The following LRP1B variants were observed in gnomAD, a reference collection of about 807,000 sequenced individuals.
LRP1B encodes low-density lipoprotein receptor-related protein 1B.
In LRP1B, 217 loss-of-function variants were observed where a neutral mutation model predicts 556.6. The observed-to-expected ratio is 0.39, with a 90% confidence interval of 0.35 to 0.44. The LOEUF (loss-of-function observed/expected upper bound fraction) is 0.44, where lower values mean the gene tolerates loss of function less well. LRP1B is among the 20% of genes least tolerant of loss of function. The probability of loss-of-function intolerance (pLI) is 1.00; values close to 1 mark genes in which losing one functional copy is unlikely to be tolerated. For synonymous variants in LRP1B, 2,047 were observed against 1,865.8 expected, an observed-to-expected ratio of 1.10 and a Z score of -2.50; for missense variants, 5,053 against 5,620.8, an observed-to-expected ratio of 0.90 and a Z score of 3.23.
chr2:141,320,171 C>T (rs1198305244), intron 3 of LRP1B, among the ~76,000 whole-genome samples: 1 of 152,022 alleles, frequency 6.6e-6, no homozygotes, highest in East Asian at 1.9e-4. Context: ...CCTTTATTAT[C>T]CAAAGAAGTA....
chr2:141,616,833 C>T (rs2105330104), intron 2 of LRP1B, among the ~76,000 whole-genome samples: 1 of 152,224 alleles, frequency 6.6e-6, no homozygotes, highest in Admixed American at 6.5e-5. Context: ...GTTTTTCTGC[C>T]TTATTCAGTA....
chr2:140,937,145 A>G (rs895466216), intron 20 of LRP1B, among the ~76,000 whole-genome samples: 1 of 152,174 alleles, frequency 6.6e-6, no homozygotes, highest in African/African-American at 2.4e-5. Context: ...ATTTCATCAC[A>G]AAATGCCAAC....
At chr2:141,566,799 C>T (rs1686347667) in intron 2 of LRP1B, among the ~76,000 whole-genome samples, 1 of 151,972 alleles carries the variant, frequency 6.6e-6, no homozygotes, top group Non-Finnish European at 1.5e-5. Context: ...TTTGAGGCTG[C>T]AGTGAGGTAT....
chr2:141,232,646 G>T (rs1683515158), intron 5 of LRP1B, among the ~76,000 whole-genome samples: 1 of 152,148 alleles, frequency 6.6e-6, no homozygotes, highest in Non-Finnish European at 1.5e-5. Context: ...TCAGTTAATT[G>T]TTTTAGTGAA....
chr2:141,509,738 G>C (rs1449998447), intron 2 of LRP1B, among the ~76,000 whole-genome samples: 1 of 152,074 alleles, frequency 6.6e-6, no homozygotes, highest in Non-Finnish European at 1.5e-5. Context: ...TAAAGCAAAA[G>C]TGTACTGTAA....
chr2:141,455,693 T>C (rs1390909442), intron 3 of LRP1B, among the ~76,000 whole-genome samples: 1 of 152,168 alleles, frequency 6.6e-6, no homozygotes, highest in Non-Finnish European at 1.5e-5. Flanking sequence ...TTTTGTGGAA[T>C]AAATGAACAA....
At position 141,661,191 on chromosome 2, in the gene LRP1B, C is replaced by T. The variant is rs551183400; in HGVS notation, c.205+149088G>A. 1.5e-4 allele frequency among the ~76,000 whole-genome samples: 23 copies of T among 152,236 alleles called. No homozygotes were observed. The South Asian group carries it at 4.8e-3, about 32-fold the overall frequency. The stretch of plus-strand genomic sequence containing the variant: ...TCCAAAGGTCAGCAGCCTCAAAGAT[C>T]GAAGCTAGATAAACTCAAGAAGACG... On this transcript the variant is annotated intron_variant, in intron 2 of 90. Coordinates refer to ENST00000389484, the MANE Select transcript of LRP1B (RefSeq NM_018557.3).
At chr2:140,474,477 C>A (rs1687888912) in intron 60 of LRP1B, among the ~76,000 whole-genome samples, 1 of 151,784 alleles carries the variant, frequency 6.6e-6, no homozygotes, top group African/African-American at 2.4e-5. Flanking sequence ...CCCCTGATAG[C>A]AAAGGTGACA....
chr2:142,121,374 A>T (rs562476245), intron 1 of LRP1B, among the ~76,000 whole-genome samples: 1 of 152,302 alleles, frequency 6.6e-6, no homozygotes, highest in South Asian at 2.1e-4. Flanking sequence ...CCTCAATTTG[A>T]TCTGCATGAC....
At position 141,799,537 on chromosome 2, in the gene LRP1B, G is replaced by T. The variant is rs140993129; in HGVS notation, c.205+10742C>A. ...CTAAAACCACAAGAAACTGAATTCA[G>T]CCAAGACCCTAAATAAACTTGGAGG... On this transcript the variant is annotated intron_variant, in intron 2 of 90. Transcript: ENST00000389484. Among the ~76,000 whole-genome samples the T allele has an allele frequency of 4.2e-4, 64 of 152,170 alleles. 1 individual carries two copies. Among genetic ancestry groups the T allele is most frequent in the Non-Finnish European group, 2.8e-4 (19 of 68,008 alleles).
chr2:140,512,692 C>A (rs868794923), intron 51 of LRP1B, among the ~76,000 whole-genome samples: 1 of 152,098 alleles, frequency 6.6e-6, no homozygotes, highest in Non-Finnish European at 1.5e-5. Flanking sequence ...TATTCCAAAT[C>A]AGAATCACTA....
At chr2:141,348,676 T>C (rs1046093118) in intron 3 of LRP1B, among the ~76,000 whole-genome samples, 2 of 152,072 alleles carry the variant, frequency 1.3e-5, no homozygotes, top group African/African-American at 4.8e-5. Flanking sequence ...TAGAGCACAA[T>C]TGATTCCAGG....
intron 29 of LRP1B, among the ~76,000 whole-genome samples, chr2:140,848,554 C>T (rs1042363102): frequency 1.3e-5 from 2 of 152,106 alleles, no homozygotes; most frequent in African/African-American, 4.8e-5. Flanking sequence ...CTTCCTATTG[C>T]CTTCATTATG....
chr2:141,752,747 C>T (rs1694160855), intron 2 of LRP1B, among the ~76,000 whole-genome samples: 1 of 150,942 alleles, frequency 6.6e-6, no homozygotes, highest in Non-Finnish European at 1.5e-5. Context: ...AATATCCAGC[C>T]TGGGCAACAT....
chr2:140,861,294 C>T (rs1404659235), intron 27 of LRP1B, among the ~76,000 whole-genome samples: 1 of 152,098 alleles, frequency 6.6e-6, no homozygotes, highest in Non-Finnish European at 1.5e-5. Flanking sequence ...GTAATCCAAG[C>T]TACTTGGGAG....
chr2:140,784,421 C>CACACAA (rs1491135149), intron 32 of LRP1B, among the ~76,000 whole-genome samples: 6 of 146,588 alleles, frequency 4.1e-5, no homozygotes, highest in African/African-American at 1.3e-4. Context: ...CACACACACA[C>CACACAA]AAAAGGCTCA....
At chr2:141,153,225 A>G (rs972562207) in intron 7 of LRP1B, among the ~76,000 whole-genome samples, 1 of 135,524 alleles carries the variant, frequency 7.4e-6, no homozygotes, top group Non-Finnish European at 1.5e-5. Context: ...ACATATATAT[A>G]TTATATATAT....
chr2:140,958,312 A>G (rs1298003614), intron 18 of LRP1B, among the ~76,000 whole-genome samples: 1 of 151,586 alleles, frequency 6.6e-6, no homozygotes, highest in Non-Finnish European at 1.5e-5. Context: ...TTTAAAAGGT[A>G]AGGACAAAAA....
At chr2:141,722,144 T>C (rs1692839884) in intron 2 of LRP1B, among the ~76,000 whole-genome samples, 1 of 152,024 alleles carries the variant, frequency 6.6e-6, no homozygotes, top group African/African-American at 2.4e-5. Context: ...TTGGTAGGCC[T>C]AGACAGGTGG....
Sources: gnomAD v4.1 joint callset for allele counts (sites outside exome capture counted in the v4.1 genomes callset) on GRCh38, gnomAD v4.1.1 for gene constraint, MANE v1.5 for transcripts, NCBI Gene and HGNC (gene_info 2026-07-23, HGNC 2026-07-21) for gene names.